Variants in SORCS1 observed in about 807,000 individuals in gnomAD.
SORCS1 encodes VPS10 domain-containing receptor SorCS1.
Under a neutral mutation model 146.1 loss-of-function variants are expected in SORCS1, and 60 were observed. The ratio of observed to expected loss-of-function variants is 0.41; its 90% CI spans 0.33 to 0.51. The LOEUF (loss-of-function observed/expected upper bound fraction) is 0.51. SORCS1 is among the 20% of genes least tolerant of loss of function. The probability of loss-of-function intolerance (pLI) is 0.21; values close to 1 mark genes in which losing one functional copy is unlikely to be tolerated. For missense variants in SORCS1, 1,352 were observed against 1,487.6 expected, an observed-to-expected ratio of 0.91 and a Z score of 1.50; for synonymous variants, 637 against 584.0, an observed-to-expected ratio of 1.09 and a Z score of -1.31.
chr10:106,788,531 C>A (rs1946165014), intron 3 of SORCS1, among the ~76,000 whole-genome samples: 1 of 152,096 alleles, frequency 6.6e-6, no homozygotes, highest in African/African-American at 2.4e-5. Flanking sequence ...AGAAATTGGC[C>A]AAAACAAAGG....
rs186117698 is a variant in SORCS1 at position 106,624,228 on chromosome 10, C to T, written c.2663-3667G>A. 2.6e-5 allele frequency among the ~76,000 whole-genome samples: 4 copies of T among 152,148 alleles called. No individual in the cohort carries two copies. In the East Asian group the frequency reaches 7.7e-4, roughly 29 times the overall value. ...CACCAAGTATCAATTTTGAAAGCTC[C>T]AGGGTGAGGGTAGAGTAAGTGAAAA... On this transcript the variant is annotated intron_variant, in intron 19 of 25. Transcript: ENST00000263054.
chr10:106,764,921 A>G (rs978650284), intron 4 of SORCS1, among the ~76,000 whole-genome samples: 1 of 150,518 alleles, frequency 6.6e-6, no homozygotes, highest in African/African-American at 2.5e-5. Context: ...TACTCGGGAG[A>G]CTGAGGCAGG....
At chr10:107,025,307 A>T (rs1278600220) in intron 1 of SORCS1, among the ~76,000 whole-genome samples, 1 of 152,212 alleles carries the variant, frequency 6.6e-6, no homozygotes, top group Non-Finnish European at 1.5e-5. Flanking sequence ...AGTCTGAAAG[A>T]AGGAATCAAC....
At chr10:106,860,351 G>A (rs772597492) in intron 2 of SORCS1, among the ~76,000 whole-genome samples, 2 of 152,116 alleles carry the variant, frequency 1.3e-5, no homozygotes, top group Non-Finnish European at 2.9e-5. Context: ...CTGACAGGTA[G>A]AGCATCCTTC....
intron 19 of SORCS1, among the ~76,000 whole-genome samples, chr10:106,623,543 T>G (rs998076975): frequency 4.6e-5 from 7 of 151,688 alleles, no homozygotes; most frequent in Admixed American, 2.0e-4. Context: ...CACGCCCGGC[T>G]GAGCATTTTT....
intron 24 of SORCS1, among the ~76,000 whole-genome samples, chr10:106,580,675 C>T (rs1564740930): frequency 6.6e-6 from 1 of 152,194 alleles, no homozygotes; most frequent in East Asian, 1.9e-4. Context: ...ATTCTAATCA[C>T]CCAGGTAAAA....
chr10:106,967,221 G>C (rs746732272), intron 1 of SORCS1, among the ~76,000 whole-genome samples: 1 of 151,632 alleles, frequency 6.6e-6, no homozygotes. Context: ...TCCTTCTCCC[G>C]TTCTTTATTT....
At chr10:106,783,937 C>T (rs1289571076) in intron 3 of SORCS1, among the ~76,000 whole-genome samples, 1 of 152,098 alleles carries the variant, frequency 6.6e-6, no homozygotes, top group Non-Finnish European at 1.5e-5. Flanking sequence ...AGAACTATTA[C>T]AGTGTAACTA....
chr10:107,167,570 G>A (rs1005950029), upstream of SORCS1, among the ~76,000 whole-genome samples: 1 of 152,046 alleles, frequency 6.6e-6, no homozygotes, highest in African/African-American at 2.4e-5. Context: ...TAATTGCACT[G>A]TTCCGTTCCT....
intron 15 of SORCS1, 133 bp downstream of exon 15, chr10:106,672,735 C>G: frequency 1.4e-6 from 1 of 706,130 alleles, no homozygotes; most frequent in Middle Eastern, 3.9e-4. Flanking sequence ...CTGTGGAACA[C>G]AAATGTGTAA....
At chr10:106,818,858 T>C (rs1315858372) in intron 3 of SORCS1, among the ~76,000 whole-genome samples, 4 of 152,200 alleles carry the variant, frequency 2.6e-5, no homozygotes, top group Non-Finnish European at 5.9e-5. Context: ...AATATTTGCA[T>C]CTCTGTGAAA....
chr10:106,978,852 T>C (rs1049185463), intron 1 of SORCS1, among the ~76,000 whole-genome samples: 7 of 151,240 alleles, frequency 4.6e-5, no homozygotes, highest in Non-Finnish European at 2.9e-5. Context: ...GACCACAAGA[T>C]GTTTGTCATT....
At chr10:107,000,109 A>G (rs1957156004) in intron 1 of SORCS1, among the ~76,000 whole-genome samples, 1 of 152,214 alleles carries the variant, frequency 6.6e-6, no homozygotes, top group Non-Finnish European at 1.5e-5. Context: ...CCCTCTCCCC[A>G]TCAGCAATTA....
intron 1 of SORCS1, among the ~76,000 whole-genome samples, chr10:107,018,822 G>T (rs1958008184): frequency 1.3e-5 from 2 of 152,170 alleles, no homozygotes; most frequent in African/African-American, 4.8e-5. Context: ...GTGACTTCAT[G>T]ATTTGTGCAC....
intron 1 of SORCS1, among the ~76,000 whole-genome samples, chr10:107,103,924 G>T (rs1231482910): frequency 6.6e-6 from 1 of 152,162 alleles, no homozygotes; most frequent in South Asian, 2.1e-4. Context: ...ATTTCACTGT[G>T]AGTTGCCTCA....
At chr10:106,830,428 T>A (rs920755612) in intron 2 of SORCS1, among the ~76,000 whole-genome samples, 4 of 152,228 alleles carry the variant, frequency 2.6e-5, no homozygotes, top group African/African-American at 9.6e-5. Flanking sequence ...GGGATTATTA[T>A]CTGTCTTTGA....
At chr10:106,719,293 G>A (rs937050074) in intron 6 of SORCS1, among the ~76,000 whole-genome samples, 8 of 152,284 alleles carry the variant, frequency 5.3e-5, no homozygotes, top group African/African-American at 1.9e-4. Flanking sequence ...TTTTGGAAGG[G>A]GGAGTGAGGG....
intron 5 of SORCS1, among the ~76,000 whole-genome samples, chr10:106,756,443 T>C (rs112699949): frequency 4.7e-4 from 71 of 152,290 alleles, no homozygotes; most frequent in African/African-American, 1.7e-3. Context: ...TAAATGGCAA[T>C]GCTAGAAAGT....
At chr10:107,113,974 T>C (rs1268497440) in intron 1 of SORCS1, among the ~76,000 whole-genome samples, 1 of 151,900 alleles carries the variant, frequency 6.6e-6, no homozygotes, top group Non-Finnish European at 1.5e-5. Flanking sequence ...CCAAAACTGG[T>C]AATACAAAAA....
Sources: gnomAD v4.1 joint callset for allele counts (sites outside exome capture counted in the v4.1 genomes callset) on GRCh38, gnomAD v4.1.1 for gene constraint, MANE v1.5 for transcripts, NCBI Gene and HGNC (gene_info 2026-07-23, HGNC 2026-07-21) for gene names.